TTC7A: variants seen among roughly 807,000 people sequenced by gnomAD.
TTC7A encodes tetratricopeptide repeat protein 7A.
Under a neutral mutation model 103.7 loss-of-function variants are expected in TTC7A, and 110 were observed. The observed-to-expected ratio is 1.06, with a 90% confidence interval of 0.91 to 1.24. The LOEUF is 1.24. Among genes scored for constraint, TTC7A ranks in the 50% most tolerant of loss-of-function variants. TTC7A has a pLI of 0.00. For missense variants in TTC7A, 1,340 were observed against 1,116.3 expected, an observed-to-expected ratio of 1.20 and a Z score of -2.86; for synonymous variants, 521 against 467.9, an observed-to-expected ratio of 1.11 and a Z score of -1.47.
At chr2:46,915,971 G>A, upstream of TTC7A, 1 of 985,442 alleles carries the variant, frequency 1.0e-6, no homozygotes, top group Non-Finnish European at 1.2e-6. Context: ...GACTGACGCA[G>A]TTCTTCTACC....
intron 11 of TTC7A, among the ~76,000 whole-genome samples, chr2:47,012,182 C>T (rs544070303): frequency 1.9e-3 from 288 of 152,358 alleles, no homozygotes; most frequent in African/African-American, 6.3e-3. Context: ...TCTTGGGCCA[C>T]GGCACTGGGC....
chr2:47,002,832 C>T (rs1451654598), intron 8 of TTC7A, among the ~76,000 whole-genome samples: 1 of 152,084 alleles, frequency 6.6e-6, no homozygotes, highest in Non-Finnish European at 1.5e-5. Context: ...TGCCCCAAAG[C>T]CATAGTAACC....
At chr2:46,972,111 C>T (rs1673416922) in intron 3 of TTC7A, among the ~76,000 whole-genome samples, 1 of 151,656 alleles carries the variant, frequency 6.6e-6, no homozygotes, top group South Asian at 2.1e-4. Context: ...TTTAAGAATC[C>T]ACCCTTCTCT....
intron 10 of TTC7A, 120 bp from the exon 11 acceptor site, chr2:47,011,211 T>G (rs1188707453): frequency 1.1e-6 from 1 of 885,334 alleles, no homozygotes; most frequent in African/African-American, 1.7e-5. Flanking sequence ...GACCTCTTCC[T>G]GGCTCCTGAG....
chr2:47,036,703 T>A (rs1205309160), intron 15 of TTC7A, among the ~76,000 whole-genome samples: 4 of 152,130 alleles, frequency 2.6e-5, no homozygotes, highest in African/African-American at 9.7e-5. Context: ...CAAAAAATTT[T>A]AAAAGTTAAC....
intron 5 of TTC7A, among the ~76,000 whole-genome samples, chr2:46,989,722 C>A (rs1317300770): frequency 6.6e-6 from 1 of 151,668 alleles, no homozygotes; most frequent in Admixed American, 6.6e-5. Flanking sequence ...TGGGAGCTTA[C>A]ATGCTAGAGT....
chr2:47,056,179 C>T (rs749160200), intron 18 of TTC7A, among the ~76,000 whole-genome samples: 2 of 152,186 alleles, frequency 1.3e-5, no homozygotes, highest in African/African-American at 4.8e-5. Flanking sequence ...CCATTCTAGT[C>T]CCCTTGATCT....
intron 19 of TTC7A, among the ~76,000 whole-genome samples, chr2:47,072,510 T>G (rs1302160054): frequency 6.6e-6 from 1 of 152,188 alleles, no homozygotes; most frequent in Non-Finnish European, 1.5e-5. Context: ...CCCCAGCGCG[T>G]CTCCATAGCA....
At chr2:46,992,364 G>A (rs904543728) in intron 5 of TTC7A, among the ~76,000 whole-genome samples, 2 of 152,240 alleles carry the variant, frequency 1.3e-5, no homozygotes, top group Non-Finnish European at 2.9e-5. Context: ...TAACAGGCAG[G>A]GCAGCATGGG....
rs1670425684 is a variant in TTC7A, at chr2:46,941,809, C to T, written c.184+84C>T. The T allele has an allele frequency of 1.3e-6, 2 of 1,505,746 alleles. No homozygotes were observed. The highest frequency in any genetic ancestry group is 1.4e-5 in the African/African-American group (1 of 71,674). 93.3% of individuals were successfully genotyped at this position (1,505,746 alleles called of 1,614,324 possible). A position where few individuals can be genotyped will look rare whatever the true frequency, so the allele number is the denominator to read the frequency against. ...CCAGGAAGCGCGCCCAGACAGTCCTCGGCCGACAGCGGGCGCCTGCCAGCC... is the reference window on the plus strand; with the variant it reads ...CCAGGAAGCGCGCCCAGACAGTCCTTGGCCGACAGCGGGCGCCTGCCAGCC... On this transcript the variant is annotated intron_variant, in intron 1 of 19. Coordinates refer to ENST00000319190, the MANE Select transcript of TTC7A (RefSeq NM_020458.4). The surrounding 1 kb of genome is among the most constrained non-coding windows in gnomAD (Gnocchi z 4.2).
chr2:47,015,398 A>G (rs971590991), intron 11 of TTC7A, among the ~76,000 whole-genome samples: 1 of 152,262 alleles, frequency 6.6e-6, no homozygotes, highest in Non-Finnish European at 1.5e-5. Context: ...ATCTTTGGAA[A>G]GGTCTCTGAT....
At chr2:47,066,172 T>A (rs1185770964) in intron 19 of TTC7A, 1 of 152,248 alleles carries the variant, frequency 6.6e-6, no homozygotes, top group Non-Finnish European at 1.5e-5. Flanking sequence ...GTTATCTGCA[T>A]TCCTCTTGAT....
upstream of TTC7A, among the ~76,000 whole-genome samples, chr2:46,936,501 A>G (rs1669985300): frequency 6.6e-6 from 1 of 152,154 alleles, no homozygotes; most frequent in Admixed American, 6.5e-5. Flanking sequence ...ACAGTTGGAA[A>G]AGGTCTAGCT....
chr2:46,981,168 A>G (rs1394660398), intron 5 of TTC7A, among the ~76,000 whole-genome samples: 2 of 152,194 alleles, frequency 1.3e-5, no homozygotes, highest in Non-Finnish European at 2.9e-5. Flanking sequence ...GCCACTTTAA[A>G]TAATTACTTT....
chr2:46,931,032 CATTTT>C (rs1432674252), intron 2 of TTC7A, among the ~76,000 whole-genome samples: 1 of 152,126 alleles, frequency 6.6e-6, no homozygotes, highest in Non-Finnish European at 1.5e-5. Context: ...CTAAACAAAA[CATTTT>C]ATTAGCAATT....
chr2:47,050,705 C>G (rs1209503832), intron 17 of TTC7A: 1 of 152,482 alleles, frequency 6.6e-6, no homozygotes, highest in East Asian at 1.9e-4. Context: ...ATTTCAGAAG[C>G]CAAACCTAGC....
At chr2:46,999,917 C>T (rs1000505289) in intron 8 of TTC7A, 19 of 984,306 alleles carry the variant, frequency 1.9e-5, no homozygotes, top group Non-Finnish European at 2.3e-5. Flanking sequence ...TCCTGGGACT[C>T]TGCAGATTAA....
intron 8 of TTC7A, among the ~76,000 whole-genome samples, chr2:47,000,560 A>G (rs780184288): frequency 3.3e-5 from 5 of 152,068 alleles, no homozygotes; most frequent in Non-Finnish European, 5.9e-5. Context: ...AACATGTCAC[A>G]GAGCATGTTA....
At chr2:46,967,054 A>G (rs1672924263) in intron 3 of TTC7A, among the ~76,000 whole-genome samples, 2 of 152,022 alleles carry the variant, frequency 1.3e-5, no homozygotes, top group Admixed American at 6.6e-5. Flanking sequence ...CTCTACTAAA[A>G]ATATAAAAAT....
Sources: gnomAD v4.1 joint callset for allele counts (sites outside exome capture counted in the v4.1 genomes callset) on GRCh38, gnomAD v4.1.1 for gene constraint, Gnocchi (gnomAD v3.1) non-coding constraint, MANE v1.5 for transcripts, NCBI Gene and HGNC (gene_info 2026-07-23, HGNC 2026-07-21) for gene names.